Variants in RABIF observed in about 807,000 individuals in gnomAD.
The protein encoded by RABIF is guanine nucleotide exchange factor MSS4.
A neutral mutation model predicts 12.3 loss-of-function variants in RABIF; 13 were observed. The ratio of observed to expected loss-of-function variants is 1.06; its 90% CI spans 0.69 to 1.68. The LOEUF (loss-of-function observed/expected upper bound fraction) is 1.68, where lower values mean the gene tolerates loss of function less well. RABIF is among the 40% of genes most tolerant of loss of function. The pLI is 0.00. For missense variants in RABIF, 153 were observed against 158.0 expected, an observed-to-expected ratio of 0.97 and a Z score of 0.17; for synonymous variants, 70 against 63.3, an observed-to-expected ratio of 1.11 and a Z score of -0.50.
chr1:202,881,550 C>T (rs1178250729), intron 1 of RABIF, among the ~76,000 whole-genome samples: 7 of 152,082 alleles, frequency 4.6e-5, no homozygotes, highest in African/African-American at 9.7e-5. Context: ...TACAGGTGCC[C>T]GCCACCACGC....
chr1:202,888,954 C>CTCCAACCTGCCTCCCTA lies in RABIF; in HGVS notation c.126+2_126+18dup, dbSNP rs750745083. ...GGGGGAGACTGTGGGTGTAAACGGC[C>CTCCAACCTGCCTCCCTA]TCCAACCTGCCTCCCTACCTGTCGG... On this transcript the variant is annotated intron_variant, in intron 1 of 1. Coordinates refer to ENST00000367262, the MANE Select transcript of RABIF (RefSeq NM_002871.5). 3 of 1,533,562 alleles carry CTCCAACCTGCCTCCCTA rather than the reference C, an allele frequency of 2.0e-6. No homozygotes were observed. Among genetic ancestry groups the CTCCAACCTGCCTCCCTA allele is most frequent in the Non-Finnish European group, 2.6e-6 (3 of 1,137,034 alleles). The allele number at this position is 1,533,562 out of a possible 1,614,324, so 95.0% of individuals were successfully genotyped here. A position where few individuals can be genotyped will look rare whatever the true frequency, so the allele number is the denominator to read the frequency against.
At chr1:202,886,044 C>A (rs1330533530) in intron 1 of RABIF, among the ~76,000 whole-genome samples, 2 of 151,336 alleles carry the variant, frequency 1.3e-5, no homozygotes, top group Non-Finnish European at 2.9e-5. Flanking sequence ...TAAAAAAATT[C>A]TTAGGCCCCT....
intron 1 of RABIF, among the ~76,000 whole-genome samples, chr1:202,888,140 C>T (rs1363963871): frequency 5.3e-5 from 8 of 152,162 alleles, no homozygotes; most frequent in African/African-American, 1.9e-4. Context: ...AAATGATCTG[C>T]ATATTTTTAG....
chr1:202,888,977 C>T lies in RABIF; in HGVS notation c.122G>A (p.Arg41Gln), dbSNP rs2102399104. Residue 41 changes from arginine (R) to glutamine (Q), a missense_variant, in exon 1 of 2, where the codon CGA becomes CAA. Physicochemically the swap from Arg to Gln is conservative, Grantham distance 43. Transcript: ENST00000367262. ...GCCTCCAACCTGCCTCCCTACCTGT[C>T]GGCGAGAGAAGAGAGCGGTCCCTGG... The part of the protein sequence containing the change: ...LQPGTALFSR[R>Q]QLFLPSMRKK... 1 of 1,564,334 alleles carries T rather than the reference C, an allele frequency of 6.4e-7. No individual in the cohort carries two copies.
intron 1 of RABIF, among the ~76,000 whole-genome samples, chr1:202,884,608 G>A (rs1359233476): frequency 2.6e-5 from 4 of 151,400 alleles, no homozygotes; most frequent in Admixed American, 6.6e-5. Flanking sequence ...AGACCAGGCT[G>A]GGGGGGTCCA....
chr1:202,889,126 C>T lies in RABIF; in HGVS notation c.-28G>A. 3 of 1,587,800 alleles carry T rather than the reference C, an allele frequency of 1.9e-6. No homozygotes were observed. The highest frequency in any genetic ancestry group is 2.6e-6 in the Non-Finnish European group (3 of 1,167,142). ...CCGCTGCCGCCACAGGCTCCTCAGCCACGGCTGCGCAGACGCTGTCTCTGC... is the reference window on the plus strand; with the variant it reads ...CCGCTGCCGCCACAGGCTCCTCAGCTACGGCTGCGCAGACGCTGTCTCTGC... On this transcript the variant is annotated 5_prime_UTR_variant, in exon 1 of 2. Transcript: ENST00000367262.
At chr1:202,884,534 C>A (rs542968573) in intron 1 of RABIF, among the ~76,000 whole-genome samples, 4 of 152,112 alleles carry the variant, frequency 2.6e-5, no homozygotes, top group Non-Finnish European at 5.9e-5. Context: ...TCTCATGGGA[C>A]ACTTGTGCGG....
At chr1:202,888,933 G>GA (rs1246275589) in intron 1 of RABIF, 40 bp downstream of exon 1, 8 of 1,488,092 alleles carry the variant, frequency 5.4e-6, no homozygotes, top group Non-Finnish European at 7.2e-6. Context: ...CTCGTCGGGG[G>GA]AGACTGTGGG....
In RABIF at chr1:202,881,098, C is replaced by A. The variant is rs781244927; in HGVS notation, c.252G>T (p.Lys84Asn). The change falls in exon 2 of 2, where the codon AAG becomes AAT. Residue 84 changes from lysine (K) to asparagine (N), a missense_variant. Transcript: ENST00000367262. ...CCAGAAACTTGATGTTGCCCACGTC[C>A]TTGGTGAAGCCCACATTCTCAAAAA... ...MFIFENVGFT[K>N]DVGNIKFLVC... is the part of the protein sequence containing the mutation. The A allele has an allele frequency of 1.2e-6, 2 of 1,614,196 alleles. No individual in the cohort carries two copies. The highest frequency in any genetic ancestry group is 2.2e-5 in the South Asian group (2 of 91,086).
intron 1 of RABIF, 140 bp downstream of exon 1, chr1:202,888,833 T>A (rs1659604850): frequency 8.3e-7 from 1 of 1,209,142 alleles, no homozygotes; most frequent in African/African-American, 1.6e-5. Context: ...CTCGCCGAGC[T>A]GAGGCCCGAG....
At chr1:202,881,504 C>T (rs1372696093) in intron 1 of RABIF, among the ~76,000 whole-genome samples, 1 of 152,112 alleles carries the variant, frequency 6.6e-6, no homozygotes, top group Non-Finnish European at 1.5e-5. Flanking sequence ...TGGGTTCACG[C>T]CATTCTCCTG....
intron 1 of RABIF, 44 bp downstream of exon 1, chr1:202,888,929 G>C: frequency 6.8e-7 from 1 of 1,478,888 alleles, no homozygotes. Context: ...GCGGCTCGTC[G>C]GGGGAGACTG....
chr1:202,882,518 T>C (rs771249225), intron 1 of RABIF, among the ~76,000 whole-genome samples: 14 of 152,172 alleles, frequency 9.2e-5, no homozygotes, highest in Non-Finnish European at 1.9e-4. Context: ...ATCATGCCAC[T>C]GTACTCCAAC....
chr1:202,888,700 C>T (rs886711682), intron 1 of RABIF, among the ~76,000 whole-genome samples: 12 of 152,250 alleles, frequency 7.9e-5, no homozygotes, highest in African/African-American at 2.4e-4. Flanking sequence ...CGCTCGAAGC[C>T]CCCCCGGGGG....
chr1:202,887,003 G>A (rs781622654), intron 1 of RABIF, among the ~76,000 whole-genome samples: 80 of 149,532 alleles, frequency 5.4e-4, no homozygotes, highest in Admixed American at 1.6e-3. Context: ...CAAAAGAGCT[G>A]GGATTACAGG....
chr1:202,883,161 T>G (rs975906261), intron 1 of RABIF, among the ~76,000 whole-genome samples: 8 of 152,170 alleles, frequency 5.3e-5, no homozygotes, highest in African/African-American at 1.7e-4. Context: ...TGCTGTCATA[T>G]CACTTATTTC....
chr1:202,887,622 C>A (rs1659583081), intron 1 of RABIF, among the ~76,000 whole-genome samples: 1 of 151,868 alleles, frequency 6.6e-6, no homozygotes, highest in South Asian at 2.1e-4. Context: ...CTCAGCCTCC[C>A]GAGTAGCTGG....
In RABIF at chr1:202,880,339, G is replaced by C. The variant is rs912000725; in HGVS notation, c.*639C>G. On this transcript the variant is annotated 3_prime_UTR_variant, in exon 2 of 2. Coordinates refer to ENST00000367262, the MANE Select transcript of RABIF (RefSeq NM_002871.5). ...AAAAAGAAACTACAAGATTTCAAGG[G>C]AAGAGGGACCACACCCATCTTCACA... 5 of 152,622 alleles carry C rather than the reference G, an allele frequency of 3.3e-5. No individual in the cohort carries two copies. The highest frequency in any genetic ancestry group is 1.2e-4 in the African/African-American group (5 of 41,434). 9.5% of individuals were successfully genotyped at this position (152,622 alleles called of 1,614,324 possible).
Position 202,878,813 on chromosome 1 carries a change from G to C in RABIF, c.*2165C>G, listed in dbSNP as rs999397016. On this transcript the variant is annotated 3_prime_UTR_variant, in exon 2 of 2. Coordinates refer to ENST00000367262, the MANE Select transcript of RABIF (RefSeq NM_002871.5). Reference sequence around the variant, plus strand: ...TGTACTGAGAGCCTATTAGGTGTGAGGGAAATGAAGAAATGACGTTTGCAT... The same window carrying C: ...TGTACTGAGAGCCTATTAGGTGTGACGGAAATGAAGAAATGACGTTTGCAT... 1 of 152,224 alleles carries C rather than the reference G, an allele frequency of 6.6e-6. No homozygotes were observed. Among genetic ancestry groups the C allele is most frequent in the Non-Finnish European group, 1.5e-5 (1 of 68,042 alleles). 9.4% of individuals were successfully genotyped at this position (152,224 alleles called of 1,614,324 possible).
Sources: gnomAD v4.1 joint callset for allele counts (sites outside exome capture counted in the v4.1 genomes callset) on GRCh38, gnomAD v4.1.1 for gene constraint, MANE v1.5 for transcripts, NCBI Gene and HGNC (gene_info 2026-07-23, HGNC 2026-07-21) for gene names.